ADGRL2: variants seen among roughly 807,000 people sequenced by gnomAD.
The protein encoded by ADGRL2 is calcium-independent alpha-latrotoxin receptor 2.
A neutral mutation model predicts 157.4 loss-of-function variants in ADGRL2; 44 were observed. The observed-to-expected ratio is 0.28, with a 90% CI of 0.22 to 0.36. The LOEUF (loss-of-function observed/expected upper bound fraction) is 0.36, where lower values mean the gene tolerates loss of function less well. Among genes scored for constraint, ADGRL2 ranks in the 10% least tolerant of loss-of-function variants. The probability of loss-of-function intolerance (pLI) is 1.00; values close to 1 mark genes in which losing one functional copy is unlikely to be tolerated. For missense variants in ADGRL2, 1,510 were observed against 1,768.9 expected, an observed-to-expected ratio of 0.85 and a Z score of 2.63; for synonymous variants, 585 against 624.7, an observed-to-expected ratio of 0.94 and a Z score of 0.95.
chr1:81,745,036 G>A (rs1226166016), intron 1 of ADGRL2, among the ~76,000 whole-genome samples: 3 of 152,124 alleles, frequency 2.0e-5, no homozygotes, highest in Non-Finnish European at 4.4e-5. Flanking sequence ...AGAAAAACAA[G>A]GGATGGGGGA....
At position 81,816,633 on chromosome 1, in the gene ADGRL2, T is replaced by A. The variant is rs113982902; in HGVS notation, c.-101+15565T>A. 3.2e-3 allele frequency among the ~76,000 whole-genome samples: 486 copies of A among 152,094 alleles called. 3 individuals are homozygous for A. Among genetic ancestry groups the A allele is most frequent in the African/African-American group, 0.011 (461 of 41,572 alleles). ...GGAATTATTATATGGTGATGTTCTT[T>A]GGAGTGTTTTCATGTGACTTAATGT... On this transcript the variant is annotated intron_variant, in intron 1 of 23. Coordinates refer to ENST00000686636, the MANE Select transcript of ADGRL2 (RefSeq NM_001366006.2).
At chr1:81,761,740 T>A (rs1055961879) in intron 1 of ADGRL2, 1 of 152,044 alleles carries the variant, frequency 6.6e-6, no homozygotes, top group Non-Finnish European at 1.5e-5. Context: ...GCTGCTGGTG[T>A]ATTACATTTG....
intron 6 of ADGRL2, among the ~76,000 whole-genome samples, chr1:81,946,180 A>AAATTGTGC (rs1649758557): frequency 6.6e-6 from 1 of 152,170 alleles, no homozygotes; most frequent in Non-Finnish European, 1.5e-5. Flanking sequence ...GCCAAGGCAT[A>AAATTGTGC]AATTGTGCTA....
intron 3 of ADGRL2, among the ~76,000 whole-genome samples, chr1:81,670,155 C>T (rs1256639535): frequency 6.6e-6 from 1 of 152,136 alleles, no homozygotes; most frequent in Admixed American, 6.5e-5. Context: ...AAATGGGTCA[C>T]TTACTATATA....
At chr1:81,778,598 C>T (rs538122508) in intron 2 of ADGRL2, among the ~76,000 whole-genome samples, 34 of 152,270 alleles carry the variant, frequency 2.2e-4, no homozygotes, top group African/African-American at 7.9e-4. Context: ...TTCCGCACCG[C>T]TCACTGCCAC....
intron 2 of ADGRL2, among the ~76,000 whole-genome samples, chr1:81,544,817 A>C (rs1450765347): frequency 6.6e-6 from 1 of 152,174 alleles, no homozygotes; most frequent in Admixed American, 6.5e-5. Context: ...ATTTTTAGAA[A>C]GGTAACTCTG....
intron 1 of ADGRL2, among the ~76,000 whole-genome samples, chr1:81,319,361 T>C (rs1355578114): frequency 6.6e-6 from 1 of 152,212 alleles, no homozygotes; most frequent in Non-Finnish European, 1.5e-5. Context: ...TACTATTCCA[T>C]GTCCTGCTGT....
intron 3 of ADGRL2, among the ~76,000 whole-genome samples, chr1:81,660,154 T>C (rs1196340365): frequency 6.6e-6 from 1 of 152,184 alleles, no homozygotes; most frequent in Non-Finnish European, 1.5e-5. Flanking sequence ...AATATGCCCA[T>C]TTAAAGCTGT....
chr1:81,892,667 A>G (rs1247229800), intron 2 of ADGRL2, among the ~76,000 whole-genome samples: 1 of 152,210 alleles, frequency 6.6e-6, no homozygotes, highest in Non-Finnish European at 1.5e-5. Context: ...TTTGTAGGCC[A>G]AATTTAAGGG....
chr1:81,576,559 C>T (rs571890851), intron 2 of ADGRL2, among the ~76,000 whole-genome samples: 53 of 152,126 alleles, frequency 3.5e-4, no homozygotes, highest in Middle Eastern at 3.4e-3. Context: ...TCTGGGTTAC[C>T]GGGTGTGCAG....
chr1:81,484,427 A>G lies in ADGRL2; in HGVS notation c.-248+39338A>G, dbSNP rs543206074. Among the ~76,000 whole-genome samples the G allele has an allele frequency of 4.9e-4, 74 of 152,256 alleles. 1 individual carries two copies. The highest frequency in any genetic ancestry group is 1.7e-3 in the African/African-American group (71 of 41,558). On this transcript the variant is annotated intron_variant, in intron 2 of 24. Coordinates refer to the ADGRL2 transcript ENST00000370721. ...TCCATAAATCCACAGGTGTTTAAGT[A>G]GCCCTGAAGGCTGGGTCAGATAGCA...
At chr1:81,324,528 T>C (rs943949867) in intron 1 of ADGRL2, among the ~76,000 whole-genome samples, 3 of 149,492 alleles carry the variant, frequency 2.0e-5, no homozygotes, top group Admixed American at 1.3e-4. Flanking sequence ...AAAATCTATC[T>C]ATATAATATT....
At chr1:81,536,856 T>C (rs1281069329) in intron 2 of ADGRL2, among the ~76,000 whole-genome samples, 3 of 152,208 alleles carry the variant, frequency 2.0e-5, no homozygotes, top group Non-Finnish European at 2.9e-5. Context: ...GTTTAGTGAG[T>C]GCCTACTGCG....
chr1:81,820,759 A>G (rs969064757), intron 1 of ADGRL2, among the ~76,000 whole-genome samples: 2 of 151,918 alleles, frequency 1.3e-5, no homozygotes, highest in African/African-American at 4.8e-5. Context: ...AAAAAACCCC[A>G]CAATATTCTG....
rs2083969945 is a variant in ADGRL2 at position 81,712,692 on chromosome 1, T to C, written c.-143+12884T>C. Among the ~76,000 whole-genome samples the C allele has an allele frequency of 2.0e-5, 3 of 151,308 alleles. No individual in the cohort carries two copies. In the South Asian group the frequency reaches 6.3e-4, roughly 32 times the overall value. ...GGAACAGGCAGAGTTATATTAGGTG[T>C]AAGATAAGCCTCAGAAAACACACTG... On this transcript the variant is annotated intron_variant, in intron 1 of 20. Coordinates refer to the ADGRL2 transcript ENST00000359929.
chr1:81,327,197 A>G (rs1034470463), intron 1 of ADGRL2, among the ~76,000 whole-genome samples: 2 of 152,136 alleles, frequency 1.3e-5, no homozygotes, highest in Non-Finnish European at 2.9e-5. Context: ...GCTCCATGTG[A>G]TTATCAAATC....
Position 81,560,647 on chromosome 1 carries a change from A to G in ADGRL2, c.-247-20229A>G, listed in dbSNP as rs546268208. On this transcript the variant is annotated intron_variant, in intron 2 of 24. Coordinates refer to the ADGRL2 transcript ENST00000370721. ...AAACTTTAGAATCTTATTATTGTTC[A>G]AATCAAGATGTGTTAGATAAGTGCC... Among the ~76,000 whole-genome samples the G allele has an allele frequency of 9.8e-4, 149 of 152,302 alleles. 1 individual carries two copies. Among genetic ancestry groups the G allele is most frequent in the African/African-American group, 3.4e-3 (142 of 41,554 alleles).
intron 2 of ADGRL2, among the ~76,000 whole-genome samples, chr1:81,852,981 G>A (rs528312778): frequency 6.6e-6 from 1 of 152,106 alleles, no homozygotes; most frequent in East Asian, 1.9e-4. Flanking sequence ...GTAGAAAAAC[G>A]AACTGAACTG....
intron 3 of ADGRL2, among the ~76,000 whole-genome samples, chr1:81,677,200 G>A (rs2083014187): frequency 6.6e-6 from 1 of 151,442 alleles, no homozygotes. Flanking sequence ...GTCCAGGCGG[G>A]TTTCAAACCC....
Sources: allele counts gnomAD v4.1 joint callset (sites outside exome capture counted in the v4.1 genomes callset), GRCh38; gene constraint gnomAD v4.1.1; transcripts MANE v1.5; gene names NCBI Gene and HGNC (gene_info 2026-07-23, HGNC 2026-07-21).